Variants in ERCC1 observed in about 807,000 individuals in gnomAD.
The protein encoded by ERCC1 is DNA excision repair protein ERCC-1.
A neutral mutation model predicts 37.6 loss-of-function variants in ERCC1; 36 were observed. That is an observed-to-expected ratio of 0.96 (90% CI 0.73 to 1.26). The LOEUF is 1.26. Ranked by LOEUF, ERCC1 falls within the 50% of genes most tolerant of loss-of-function variation. ERCC1 has a pLI of 0.00. For synonymous variants in ERCC1, 156 were observed against 162.1 expected (o/e 0.96, Z 0.28); for missense variants, 349 against 376.5 (o/e 0.93, Z 0.60).
chr19:45,445,203 G>C (rs1466782511), intron 1 of ERCC1, among the ~76,000 whole-genome samples: 2 of 152,172 alleles, frequency 1.3e-5, no homozygotes, highest in African/African-American at 4.8e-5. Flanking sequence ...TTTTAGTAGA[G>C]ACACGGTTTC....
Position 45,409,131 on chromosome 19 carries a change from A to C in ERCC1, c.*544T>G. ...CTGGCAGCTCCCAAAAAGAAGACGAAGAAAGAAAAACAGCAAGATGCCACA... is the reference window on the plus strand; with the variant it reads ...CTGGCAGCTCCCAAAAAGAAGACGACGAAAGAAAAACAGCAAGATGCCACA... On this transcript the variant is annotated 3_prime_UTR_variant, in exon 10 of 10. Transcript: ENST00000300853. 6.2e-7 allele frequency: 1 copy of C among 1,613,202 alleles called. No individual in the cohort carries two copies. The highest frequency in any genetic ancestry group is 1.3e-5 in the African/African-American group (1 of 74,984).
At chr19:45,430,035 C>T (rs961428891) in intron 1 of ERCC1, among the ~76,000 whole-genome samples, 1 of 152,154 alleles carries the variant, frequency 6.6e-6, no homozygotes, top group Non-Finnish European at 1.5e-5. Flanking sequence ...CCACCCGCCT[C>T]GGCCTCCCAA....
chr19:45,410,624 TG>T (rs1973676130), intron 9 of ERCC1: 1 of 143,358 alleles, frequency 7.0e-6, no homozygotes, highest in Admixed American at 7.2e-5. Flanking sequence ...CCCATCTCCC[TG>T]CCAGCCCCTA....
upstream of ERCC1, among the ~76,000 whole-genome samples, chr19:45,427,401 G>C (rs1244653229): frequency 6.6e-6 from 1 of 151,960 alleles, no homozygotes; most frequent in Non-Finnish European, 1.5e-5. Flanking sequence ...ACGAGGTCAG[G>C]AGTTCAAAAC....
chr19:45,425,242 A>G (rs1052469704), upstream of ERCC1, among the ~76,000 whole-genome samples: 4 of 150,970 alleles, frequency 2.6e-5, no homozygotes, highest in Admixed American at 6.6e-5. Context: ...GATATATTCT[A>G]TCATTTCTTT....
In ERCC1 at chr19:45,408,060, A is replaced by AC. The variant is rs1973451624; in HGVS notation, c.*1614dup. On this transcript the variant is annotated 3_prime_UTR_variant, in exon 10 of 10. Coordinates refer to ENST00000300853, the MANE Select transcript of ERCC1 (RefSeq NM_001983.4). Reference sequence around the variant, plus strand: ...CAGAGCAAGACTCTCTCAAAAAAAAACAAAAAAAAAATCAAAAAACCTTCC... The same window carrying AC: ...CAGAGCAAGACTCTCTCAAAAAAAAACCAAAAAAAAAATCAAAAAACCTTCC... 7 of 1,441,308 alleles carry AC rather than the reference A, an allele frequency of 4.9e-6. No homozygotes were observed. The highest frequency in any genetic ancestry group is 6.4e-6 in the Non-Finnish European group (7 of 1,094,530). The allele number at this position is 1,441,308 out of a possible 1,614,324, so 89.3% of individuals were successfully genotyped here.
Position 45,414,939 on chromosome 19 carries a change from G to A in ERCC1, c.624C>T (p.Tyr208=). 1 of 1,613,738 alleles carries A rather than the reference G, an allele frequency of 6.2e-7. No homozygotes were observed. Among genetic ancestry groups the A allele is most frequent in the Non-Finnish European group, 8.5e-7 (1 of 1,179,732 alleles). Residue 208 remains tyrosine (Y), a synonymous_variant, in exon 7 of 10, where the codon TAC becomes TAT. Transcript: ENST00000300853. ...GCTCATAGGCCTTGTAGGTCTCCAG[G>A]TACCGCCCAGCTTCCTCGGGGCTGG... ...LAWSPEEAGR[Y]LETYKAYEQK...
At chr19:45,448,850 T>A (rs1043115245) in intron 1 of ERCC1, among the ~76,000 whole-genome samples, 1 of 152,008 alleles carries the variant, frequency 6.6e-6, no homozygotes, top group African/African-American at 2.4e-5. Flanking sequence ...CCTTGGCCCA[T>A]GCTTTAATAG....
At chr19:45,419,336 T>C in intron 4 of ERCC1, 139 bp from the exon 5 acceptor site, 1 of 690,686 alleles carries the variant, frequency 1.4e-6, no homozygotes, top group South Asian at 1.6e-5. Context: ...AGAGGGTAAG[T>C]CACTTGCCCC....
intron 1 of ERCC1, among the ~76,000 whole-genome samples, chr19:45,442,739 T>A (rs1457936384): frequency 1.3e-5 from 2 of 152,122 alleles, no homozygotes; most frequent in African/African-American, 4.8e-5. Context: ...GAAGGCTGCC[T>A]GGAAGAAGAC....
intron 1 of ERCC1, among the ~76,000 whole-genome samples, chr19:45,444,442 G>A (rs1205569444): frequency 6.6e-6 from 1 of 151,924 alleles, no homozygotes; most frequent in Non-Finnish European, 1.5e-5. Context: ...TGGTCTCCAG[G>A]CAACAGGCCC....
At chr19:45,428,292 G>GGC (rs879682134), upstream of ERCC1, among the ~76,000 whole-genome samples, 2,209 of 134,736 alleles carry the variant, frequency 0.016, 69 homozygotes, top group African/African-American at 0.055. Flanking sequence ...GGGGGGGTGG[G>GGC]GTCTCACTAT....
At chr19:45,446,334 G>A (rs1413743443) in intron 1 of ERCC1, among the ~76,000 whole-genome samples, 3 of 152,144 alleles carry the variant, frequency 2.0e-5, no homozygotes, top group Non-Finnish European at 2.9e-5. Flanking sequence ...GAGGTAGTAG[G>A]GATCGATTCT....
upstream of ERCC1, among the ~76,000 whole-genome samples, chr19:45,425,082 A>ATT (rs35314737): frequency 2.4e-3 from 284 of 116,900 alleles, 3 homozygotes; most frequent in East Asian, 5.9e-3. Flanking sequence ...TGCCCGGCTA[A>ATT]TTTTTTTTTT....
intron 5 of ERCC1, among the ~76,000 whole-genome samples, chr19:45,418,158 A>T (rs1473092443): frequency 6.6e-6 from 1 of 151,564 alleles, no homozygotes; most frequent in Non-Finnish European, 1.5e-5. Flanking sequence ...GACCAGCCTG[A>T]CCAACATGGT....
upstream of ERCC1, among the ~76,000 whole-genome samples, chr19:45,424,585 G>T (rs1296668882): frequency 6.6e-6 from 1 of 152,196 alleles, no homozygotes; most frequent in African/African-American, 2.4e-5. Context: ...CTAAGGAAAT[G>T]GAATGTTTTT....
intron 1 of ERCC1, among the ~76,000 whole-genome samples, chr19:45,439,701 G>A (rs1369792828): frequency 3.3e-5 from 5 of 152,112 alleles, no homozygotes; most frequent in African/African-American, 4.8e-5. Context: ...GACGCCCCTG[G>A]AAGATTCTGC....
chr19:45,442,182 G>GGT (rs1338272669), intron 1 of ERCC1, among the ~76,000 whole-genome samples: 4 of 151,298 alleles, frequency 2.6e-5, no homozygotes, highest in South Asian at 2.1e-4. Flanking sequence ...CAAGTGTGGT[G>GGT]GCATGCACCT....
intron 6 of ERCC1, 37 bp from the exon 7 acceptor site, chr19:45,414,997 G>A (rs41561512): frequency 0.014 from 20,314 of 1,485,990 alleles, 195 homozygotes; most frequent in Non-Finnish European, 0.016. Flanking sequence ...GGGAGGTGAG[G>A]TATCAGATTA....
Sources: allele counts gnomAD v4.1 joint callset (sites outside exome capture counted in the v4.1 genomes callset), GRCh38; gene constraint gnomAD v4.1.1; transcripts MANE v1.5; gene names NCBI Gene and HGNC (gene_info 2026-07-23, HGNC 2026-07-21).